NRIP2: variants seen among roughly 807,000 people sequenced by gnomAD.
The protein encoded by NRIP2 is nuclear receptor-interacting protein 2.
Under a neutral mutation model 34.1 loss-of-function variants are expected in NRIP2, and 27 were observed. The observed-to-expected ratio is 0.79, with a 90% CI of 0.58 to 1.09. NRIP2 has a LOEUF of 1.09. NRIP2 is among the 50% of genes least tolerant of loss of function. The pLI is 0.00. For synonymous variants in NRIP2, 145 were observed against 146.9 expected, an observed-to-expected ratio of 0.99 and a Z score of 0.09; for missense variants, 385 against 352.6, an observed-to-expected ratio of 1.09 and a Z score of -0.74.
Position 2,826,898 on chromosome 12 carries a change from A to G in NRIP2, c.*309T>C. The G allele has an allele frequency of 1.0e-6, 1 of 974,876 alleles. No individual in the cohort carries two copies. Among genetic ancestry groups the G allele is most frequent in the Non-Finnish European group, 1.3e-6 (1 of 758,222 alleles). 60.4% of individuals were successfully genotyped at this position (974,876 alleles called of 1,614,324 possible). On this transcript the variant is annotated 3_prime_UTR_variant, in exon 6 of 6. Coordinates refer to ENST00000337508, the MANE Select transcript of NRIP2 (RefSeq NM_031474.3). ...GCAGAGCCTTCGACCCAGCCCAAGC[A>G]GGCACCCCATTGTGCTTAGGTTCCT... is the stretch of plus-strand genomic sequence containing the variant.
chr12:2,834,593 T>C (rs1565434998), intron 1 of NRIP2, 49 bp downstream of exon 1: 5 of 1,525,186 alleles, frequency 3.3e-6, no homozygotes, highest in Non-Finnish European at 4.4e-6. Context: ...ATCTGGGAAG[T>C]GGAAGGAAAA....
rs543891982 is a variant in NRIP2, at chr12:2,829,561, G to C, written c.495+1147C>G. 2.0e-5 allele frequency among the ~76,000 whole-genome samples: 3 copies of C among 152,072 alleles called. No homozygotes were observed. In the East Asian group the frequency reaches 5.8e-4, roughly 29 times the overall value. ...GGCCAAGGTGGAAGGATCGCTTGAG[G>C]CCAGGAGTTCAGGACCAGCCTGACC... is the stretch of plus-strand genomic sequence containing the variant. On this transcript the variant is annotated intron_variant, in intron 2 of 5. Coordinates refer to ENST00000337508, the MANE Select transcript of NRIP2 (RefSeq NM_031474.3).
chr12:2,834,102 C>T (rs1298436554), intron 1 of NRIP2, among the ~76,000 whole-genome samples: 1 of 152,210 alleles, frequency 6.6e-6, no homozygotes, highest in African/African-American at 2.4e-5. Flanking sequence ...GTCCATTCCA[C>T]TCAGGAGTTG....
intron 3 of NRIP2, 100 bp from the exon 4 acceptor site, chr12:2,828,147 C>G (rs1001824460): frequency 2.0e-5 from 25 of 1,267,602 alleles, no homozygotes; most frequent in Non-Finnish European, 2.7e-5. Context: ...CATCTCCAAC[C>G]CCTGACCTCA....
intron 1 of NRIP2, among the ~76,000 whole-genome samples, chr12:2,832,531 G>T (rs2098008723): frequency 6.6e-6 from 1 of 151,810 alleles, no homozygotes; most frequent in Non-Finnish European, 1.5e-5. Context: ...TTGAGATTCT[G>T]TGTACATCCT....
intron 1 of NRIP2, 69 bp downstream of exon 1, chr12:2,834,573 C>A: frequency 1.3e-6 from 2 of 1,515,820 alleles, no homozygotes; most frequent in Non-Finnish European, 1.8e-6. Flanking sequence ...GGTCCTGCCT[C>A]CTGCTCAGGA....
intron 2 of NRIP2, among the ~76,000 whole-genome samples, chr12:2,828,651 C>T (rs1411841838): frequency 6.6e-6 from 1 of 151,884 alleles, no homozygotes; most frequent in Non-Finnish European, 1.5e-5. Context: ...ACCAGCCTGA[C>T]CAGGGTTTAG....
At position 2,827,374 on chromosome 12, in the gene NRIP2, C is replaced by T. The variant is rs2097973367; in HGVS notation, c.754-75G>A. The T allele has an allele frequency of 3.2e-6, 5 of 1,542,694 alleles. No homozygotes were observed. On this transcript the variant is annotated intron_variant, in intron 5 of 5. Transcript: ENST00000337508. This position sits in a 1 kb window ranked among gnomAD's most constrained non-coding sequence, Gnocchi z 4.0. ...CTCCCGGCCTGCTCCTTTTGTTCCC[C>T]CTCCCACTTCCCACAGCTTCCACCT...
intron 1 of NRIP2, 135 bp downstream of exon 1, chr12:2,834,507 C>T: frequency 1.6e-6 from 2 of 1,282,642 alleles, no homozygotes; most frequent in South Asian, 1.7e-5. Context: ...GGCAGGATGA[C>T]CTCTCCCCAT....
At chr12:2,830,266 G>A (rs946124389) in intron 2 of NRIP2, 1 of 153,270 alleles carries the variant, frequency 6.5e-6, no homozygotes, top group Non-Finnish European at 1.5e-5. Context: ...CCACATAGAA[G>A]AAGCACAGAG....
At chr12:2,834,556 A>C in intron 1 of NRIP2, 86 bp downstream of exon 1, 1 of 1,502,524 alleles carries the variant, frequency 6.7e-7, no homozygotes, top group Admixed American at 2.4e-5. Context: ...GAGGGTCTGC[A>C]CTTTCTGGTC....
chr12:2,831,789 A>G (rs1294612032), intron 1 of NRIP2, among the ~76,000 whole-genome samples: 4 of 151,314 alleles, frequency 2.6e-5, no homozygotes, highest in Non-Finnish European at 5.9e-5. Context: ...TCAAGATGGG[A>G]TCTTGCTATG....
In NRIP2 at chr12:2,826,453, C is replaced by T. The variant is rs1314922060; in HGVS notation, c.*754G>A. 1 of 152,064 alleles carries T rather than the reference C, an allele frequency of 6.6e-6. No homozygotes were observed. The highest frequency in any genetic ancestry group is 1.9e-4 in the East Asian group (1 of 5,180). 9.4% of individuals were successfully genotyped at this position (152,064 alleles called of 1,614,324 possible). Reference sequence around the variant, plus strand: ...TCTCTACAAGGCTCTTCCACACACACACACGCAAGGCTCAGGGGCTCGGTG... The same window carrying T: ...TCTCTACAAGGCTCTTCCACACACATACACGCAAGGCTCAGGGGCTCGGTG... On this transcript the variant is annotated 3_prime_UTR_variant, in exon 6 of 6. Transcript: ENST00000337508.
At chr12:2,833,822 T>C (rs1005178444) in intron 1 of NRIP2, among the ~76,000 whole-genome samples, 1 of 152,212 alleles carries the variant, frequency 6.6e-6, no homozygotes, top group Non-Finnish European at 1.5e-5. Flanking sequence ...CCAACAATCC[T>C]ATGATTGATT....
intron 1 of NRIP2, among the ~76,000 whole-genome samples, chr12:2,834,355 G>T (rs1469065384): frequency 6.6e-6 from 1 of 152,144 alleles, no homozygotes; most frequent in Non-Finnish European, 1.5e-5. Flanking sequence ...GTTCCTGTAA[G>T]CCCCCACTTC....
rs1031258035 is a variant in NRIP2, at chr12:2,825,793, C to T, written c.*1414G>A. ...TTGTTTGTTTTTGGAGACAGGGTCT[C>T]ACTCCTTCACCCAGGCTGGAGTCCG... On this transcript the variant is annotated 3_prime_UTR_variant, in exon 6 of 6. Transcript: ENST00000337508. 1 of 152,310 alleles carries T rather than the reference C, an allele frequency of 6.6e-6. No individual in the cohort carries two copies. The highest frequency in any genetic ancestry group is 2.4e-5 in the African/African-American group (1 of 41,420). The allele number at this position is 152,310 out of a possible 1,614,324, so 9.4% of individuals were successfully genotyped here.
intron 1 of NRIP2, among the ~76,000 whole-genome samples, chr12:2,834,000 G>A (rs933815725): frequency 2.6e-5 from 4 of 152,260 alleles, no homozygotes; most frequent in East Asian, 1.9e-4. Context: ...GTTTTCCGCC[G>A]CCCACTCACA....
In NRIP2 at chr12:2,825,749, G is replaced by A. The variant is rs1460771928; in HGVS notation, c.*1458C>T. The A allele has an allele frequency of 6.6e-6, 1 of 152,274 alleles. No individual in the cohort carries two copies. The highest frequency in any genetic ancestry group is 6.6e-5 in the Admixed American group (1 of 15,264). 9.4% of individuals were successfully genotyped at this position (152,274 alleles called of 1,614,324 possible). A position where few individuals can be genotyped will look rare whatever the true frequency, so the allele number is the denominator to read the frequency against. ...CCTTGTTCAGGTTAGCTGTACCACT[G>A]TCTTTCTCTGCTCCTTTTTTGTTTG... is the stretch of plus-strand genomic sequence containing the variant. On this transcript the variant is annotated 3_prime_UTR_variant, in exon 6 of 6. Transcript: ENST00000337508.
chr12:2,825,368 C>T lies in NRIP2; in HGVS notation c.*1839G>A, dbSNP rs1241773044. On this transcript the variant is annotated 3_prime_UTR_variant, in exon 6 of 6. Transcript: ENST00000337508. The stretch of plus-strand genomic sequence containing the variant: ...CGACATAGAGAAACAAGAGTTTATT[C>T]CAATGGAGAAGCAGCTGAGCCGAGG... The T allele has an allele frequency of 2.6e-5, 4 of 152,304 alleles. No homozygotes were observed. The highest frequency in any genetic ancestry group is 5.9e-5 in the Non-Finnish European group (4 of 68,106). 9.4% of individuals were successfully genotyped at this position (152,304 alleles called of 1,614,324 possible).
Sources: gnomAD v4.1 joint callset for allele counts (sites outside exome capture counted in the v4.1 genomes callset) on GRCh38, gnomAD v4.1.1 for gene constraint, Gnocchi (gnomAD v3.1) non-coding constraint, MANE v1.5 for transcripts, NCBI Gene and HGNC (gene_info 2026-07-23, HGNC 2026-07-21) for gene names.